Variants in TMEM132C observed in about 807,000 individuals in gnomAD.
The protein encoded by TMEM132C is protein phosphatase 1, regulatory subunit 152.
Under a neutral mutation model 61.4 loss-of-function variants are expected in TMEM132C, and 29 were observed. The ratio of observed to expected loss-of-function variants is 0.47; its 90% CI spans 0.35 to 0.64. The LOEUF is 0.64. Ranked by LOEUF, TMEM132C falls within the 30% of genes least tolerant of loss-of-function variation. The probability of loss-of-function intolerance (pLI) is 0.00; values close to 1 mark genes in which losing one functional copy is unlikely to be tolerated. For missense variants in TMEM132C, 1,408 were observed against 1,476.9 expected (o/e 0.95, Z 0.76); for synonymous variants, 656 against 633.1 (o/e 1.04, Z -0.54).
chr12:128,377,690 G>T (rs1372129252), intron 1 of TMEM132C, among the ~76,000 whole-genome samples: 1 of 152,152 alleles, frequency 6.6e-6, no homozygotes, highest in Non-Finnish European at 1.5e-5. Context: ...CAAACCGTGG[G>T]ACACACCCCA....
Position 128,307,550 on chromosome 12 carries a change from A to G in TMEM132C, c.85+40063A>G, listed in dbSNP as rs1871825086. 2.0e-5 allele frequency among the ~76,000 whole-genome samples: 3 copies of G among 152,344 alleles called. No individual in the cohort carries two copies. In the South Asian group the frequency reaches 6.2e-4, roughly 32 times the overall value. On this transcript the variant is annotated intron_variant, in intron 1 of 8. Transcript: ENST00000435159. Reference sequence around the variant, plus strand: ...TCAGGTGACATGAAAATGAGGCCAGATATTTTCATAATCTCTTGTGACCCA... The same window carrying G: ...TCAGGTGACATGAAAATGAGGCCAGGTATTTTCATAATCTCTTGTGACCCA...
intron 2 of TMEM132C, among the ~76,000 whole-genome samples, chr12:128,453,840 G>A (rs528729410): frequency 1.3e-5 from 2 of 152,256 alleles, no homozygotes; most frequent in Admixed American, 1.3e-4. Flanking sequence ...GCCATCTATA[G>A]AAAGCCAAGA....
chr12:128,552,989 TGCCTTGGA>T (rs1874222219), intron 3 of TMEM132C, among the ~76,000 whole-genome samples: 2 of 152,166 alleles, frequency 1.3e-5, no homozygotes, highest in African/African-American at 4.8e-5. Flanking sequence ...GCTGTGTGCT[TGCCTTGGA>T]GGTTAGAGAA....
At chr12:128,405,328 C>A (rs118092814) in intron 1 of TMEM132C, among the ~76,000 whole-genome samples, 2 of 152,104 alleles carry the variant, frequency 1.3e-5, no homozygotes, top group African/African-American at 4.8e-5. Flanking sequence ...GTTTAGGGAG[C>A]GTACAGGGTG....
intron 3 of TMEM132C, among the ~76,000 whole-genome samples, chr12:128,549,846 C>G (rs1874099940): frequency 6.6e-6 from 1 of 151,636 alleles, no homozygotes; most frequent in African/African-American, 2.4e-5. Flanking sequence ...GCCATGACCT[C>G]AATTTGCATG....
chr12:128,409,579 G>T (rs1323833504), intron 1 of TMEM132C, among the ~76,000 whole-genome samples: 2 of 152,084 alleles, frequency 1.3e-5, no homozygotes, highest in Non-Finnish European at 2.9e-5. Flanking sequence ...TTAAAAAATT[G>T]AGTTTCACTT....
At chr12:128,474,900 C>T (rs1301361455) in intron 2 of TMEM132C, among the ~76,000 whole-genome samples, 3 of 152,158 alleles carry the variant, frequency 2.0e-5, no homozygotes, top group South Asian at 2.1e-4. Flanking sequence ...ATCTGTGTCT[C>T]GGTTTTTCTG....
intron 1 of TMEM132C, among the ~76,000 whole-genome samples, chr12:128,298,372 A>G (rs905630690): frequency 1.3e-5 from 2 of 150,804 alleles, no homozygotes; most frequent in East Asian, 1.9e-4. Context: ...TGTTCTTCCT[A>G]CAGGGCAATT....
At chr12:128,447,311 C>T (rs901453880) in intron 2 of TMEM132C, among the ~76,000 whole-genome samples, 2 of 152,126 alleles carry the variant, frequency 1.3e-5, no homozygotes, top group East Asian at 1.9e-4. Flanking sequence ...TTTCCACCTC[C>T]GGTCCCTTAA....
chr12:128,472,098 G>A (rs1182485030), intron 2 of TMEM132C, among the ~76,000 whole-genome samples: 2 of 152,134 alleles, frequency 1.3e-5, no homozygotes, highest in African/African-American at 2.4e-5. Context: ...TCCTGCAGGA[G>A]GCACCTGCAC....
intron 3 of TMEM132C, among the ~76,000 whole-genome samples, chr12:128,594,239 G>A (rs1197200130): frequency 6.6e-6 from 1 of 152,054 alleles, no homozygotes; most frequent in African/African-American, 2.4e-5. Context: ...CACATAAAAG[G>A]GGATGTGCCC....
intron 4 of TMEM132C, among the ~76,000 whole-genome samples, chr12:128,621,066 C>T (rs1010238056): frequency 5.3e-5 from 8 of 152,016 alleles, no homozygotes; most frequent in East Asian, 3.9e-4. Context: ...GGCCTTCTCC[C>T]GTGACTGGTT....
At chr12:128,440,236 T>C (rs2136046021) in intron 2 of TMEM132C, among the ~76,000 whole-genome samples, 1 of 152,322 alleles carries the variant, frequency 6.6e-6, no homozygotes, top group South Asian at 2.1e-4. Context: ...AGTCTAGCAA[T>C]TGTGTTTTAT....
intron 5 of TMEM132C, among the ~76,000 whole-genome samples, chr12:128,686,663 A>G (rs1447868383): frequency 6.6e-6 from 1 of 152,288 alleles, no homozygotes; most frequent in East Asian, 1.9e-4. Context: ...GCTCTGATTC[A>G]TTCATTCATT....
intron 4 of TMEM132C, among the ~76,000 whole-genome samples, chr12:128,629,089 T>C (rs1161141338): frequency 6.6e-6 from 1 of 152,204 alleles, no homozygotes; most frequent in Non-Finnish European, 1.5e-5. Context: ...TTTGGAGTGA[T>C]TTCAATCTCT....
intron 1 of TMEM132C, among the ~76,000 whole-genome samples, chr12:128,327,998 A>C (rs1872575864): frequency 6.6e-6 from 1 of 152,020 alleles, no homozygotes; most frequent in African/African-American, 2.4e-5. Flanking sequence ...GGAGGGTAGA[A>C]TGAGGTCTGC....
intron 4 of TMEM132C, among the ~76,000 whole-genome samples, chr12:128,668,587 G>A (rs1420367382): frequency 6.6e-6 from 1 of 152,172 alleles, no homozygotes; most frequent in Non-Finnish European, 1.5e-5. Flanking sequence ...CCAGGATCTA[G>A]CCCGTAAGGA....
At position 128,659,064 on chromosome 12, in the gene TMEM132C, T is replaced by C. The variant is rs947563595; in HGVS notation, c.1306-10353T>C. Among the ~76,000 whole-genome samples the C allele has an allele frequency of 4.6e-5, 7 of 152,232 alleles. No homozygotes were observed. In the South Asian group the frequency reaches 1.2e-3, roughly 27 times the overall value. On this transcript the variant is annotated intron_variant, in intron 4 of 8. Transcript: ENST00000435159. ...TTTGGAGGAAAGAGGGCCCTTCCTG[T>C]TGGAAAAATGATCTTGTTCAGGGAT... is the stretch of plus-strand genomic sequence containing the variant.
intron 3 of TMEM132C, among the ~76,000 whole-genome samples, chr12:128,546,607 T>C (rs953503267): frequency 6.6e-6 from 1 of 152,000 alleles, no homozygotes; most frequent in Non-Finnish European, 1.5e-5. Context: ...AAGAGGAAGA[T>C]CTGAATCTGC....
Sources: allele counts gnomAD v4.1 joint callset (sites outside exome capture counted in the v4.1 genomes callset), GRCh38; gene constraint gnomAD v4.1.1; transcripts MANE v1.5; gene names NCBI Gene and HGNC (gene_info 2026-07-23, HGNC 2026-07-21).